SPC25: variants seen among roughly 807,000 people sequenced by gnomAD.
SPC25 encodes SPC25 component of NDC80 kinetochore complex, also known as kinetochore protein Spc25.
In SPC25, 22 loss-of-function variants were observed where a neutral mutation model predicts 29.6. That is an observed-to-expected ratio of 0.74 (90% CI 0.53 to 1.06). The LOEUF is 1.06. SPC25 is among the 50% of genes least tolerant of loss of function. SPC25 has a pLI of 0.00. For synonymous variants in SPC25, 91 were observed against 90.4 expected (o/e 1.01, Z -0.04); for missense variants, 230 against 255.8 (o/e 0.90, Z 0.69).
chr2:168,874,528 T>G (rs1690053525), intron 5 of SPC25, among the ~76,000 whole-genome samples: 1 of 152,164 alleles, frequency 6.6e-6, no homozygotes, highest in Admixed American at 6.6e-5. Flanking sequence ...AATGGAACAT[T>G]GTTCAGCCAT....
chr2:168,885,716 C>T (rs917763109), intron 3 of SPC25, among the ~76,000 whole-genome samples: 4 of 152,208 alleles, frequency 2.6e-5, no homozygotes, highest in African/African-American at 7.2e-5. Flanking sequence ...ACATCCCTAA[C>T]CCTCCTTTAT....
chr2:168,877,454 G>A, intron 3 of SPC25, 70 bp from the exon 4 acceptor site: 1 of 1,521,596 alleles, frequency 6.6e-7, no homozygotes, highest in Middle Eastern at 1.7e-4. Flanking sequence ...AAAGGCCAAA[G>A]TTTACTGACT....
intron 4 of SPC25, chr2:168,861,913 A>T (rs1467425311): frequency 1.3e-6 from 2 of 1,548,624 alleles, no homozygotes; most frequent in South Asian, 2.3e-5. Context: ...GCTCATATTC[A>T]TTTGCCTGCT....
At chr2:168,882,177 T>C (rs1479028608) in intron 3 of SPC25, among the ~76,000 whole-genome samples, 1 of 152,242 alleles carries the variant, frequency 6.6e-6, no homozygotes, top group Non-Finnish European at 1.5e-5. Flanking sequence ...CAAATCAATG[T>C]TCAAGAGGTA....
In SPC25 at chr2:168,873,456, A is replaced by C. The variant is rs1574359115; in HGVS notation, c.550+129T>G. The C allele has an allele frequency of 6.5e-6, 4 of 618,996 alleles. No individual in the cohort carries two copies. In the East Asian group the frequency reaches 1.1e-4, roughly 17 times the overall value. The allele number at this position is 618,996 out of a possible 1,614,324, so 38.3% of individuals were successfully genotyped here. A position where few individuals can be genotyped will look rare whatever the true frequency, so the allele number is the denominator to read the frequency against. On this transcript the variant is annotated intron_variant, in intron 6 of 6. Transcript: ENST00000282074. ...TTCCTTTAGAAGACTATACTCCAAG[A>C]AGCAAGACTGAAAAAGGAAGCAATA...
intron 6 of SPC25, 59 bp from the exon 7 acceptor site, chr2:168,871,614 A>C (rs1355357233): frequency 6.9e-7 from 1 of 1,453,016 alleles, no homozygotes; most frequent in African/African-American, 1.4e-5. Flanking sequence ...TATGGCACAG[A>C]AGTATTTCTA....
At chr2:168,869,889 G>A (rs28841378), downstream of SPC25, among the ~76,000 whole-genome samples, 46,202 of 150,878 alleles carry the variant, frequency 0.31, 8,001 homozygotes, top group East Asian at 0.58. Context: ...AAAAGAGCCC[G>A]CATTGCCAAG....
At chr2:168,887,789 G>T (rs1690296199) in intron 3 of SPC25, among the ~76,000 whole-genome samples, 1 of 152,146 alleles carries the variant, frequency 6.6e-6, no homozygotes, top group African/African-American at 2.4e-5. Context: ...GAAAAACACT[G>T]TCAGAGTACT....
intron 5 of SPC25, among the ~76,000 whole-genome samples, chr2:168,874,091 AAAG>A (rs1317370895): frequency 6.6e-6 from 1 of 152,208 alleles, no homozygotes; most frequent in African/African-American, 2.4e-5. Context: ...ACATTTCTCC[AAAG>A]AATATATAAA....
At chr2:168,863,237 A>C in intron 4 of SPC25, 2 of 228,100 alleles carry the variant, frequency 8.8e-6, no homozygotes, top group Non-Finnish European at 1.5e-5. Context: ...TATTTGTTTG[A>C]ATTCTTGTTA....
At chr2:168,870,321 C>A (rs1689954551), downstream of SPC25, among the ~76,000 whole-genome samples, 1 of 151,474 alleles carries the variant, frequency 6.6e-6, no homozygotes, top group Non-Finnish European at 1.5e-5. Flanking sequence ...TCTAAAACAC[C>A]AAAAGCAATG....
At chr2:168,863,591 T>G (rs865927457) in intron 4 of SPC25, 1 of 985,228 alleles carries the variant, frequency 1.0e-6, no homozygotes. Flanking sequence ...GTCTCCAAAT[T>G]GATGTTGTAT....
intron 3 of SPC25, 50 bp from the exon 4 acceptor site, chr2:168,877,434 G>T (rs767488444): frequency 2.5e-6 from 4 of 1,600,232 alleles, no homozygotes; most frequent in Non-Finnish European, 2.6e-6. Flanking sequence ...TCTCTGACAT[G>T]TATCTAAGAA....
At chr2:168,888,895 G>T (rs1690320652) in intron 3 of SPC25, among the ~76,000 whole-genome samples, 1 of 143,722 alleles carries the variant, frequency 7.0e-6, no homozygotes, top group African/African-American at 2.6e-5. Flanking sequence ...CCAAAGTGTT[G>T]GGATTACAGG....
chr2:168,888,446 T>C (rs1423086566), intron 3 of SPC25, among the ~76,000 whole-genome samples: 1 of 151,954 alleles, frequency 6.6e-6, no homozygotes, highest in Non-Finnish European at 1.5e-5. Context: ...TCCCAGCTAC[T>C]TGGGAGGCTG....
At chr2:168,866,564 T>C (rs1689857312), downstream of SPC25, among the ~76,000 whole-genome samples, 1 of 151,956 alleles carries the variant, frequency 6.6e-6, no homozygotes, top group South Asian at 2.1e-4. Flanking sequence ...GACATAGGCA[T>C]GGGCAAGGAT....
intron 3 of SPC25, among the ~76,000 whole-genome samples, chr2:168,882,148 A>G (rs1690186406): frequency 6.6e-6 from 1 of 152,256 alleles, no homozygotes; most frequent in Admixed American, 6.5e-5. Flanking sequence ...TTAGGAAGTT[A>G]ATATGATAAA....
At position 168,876,052 on chromosome 2, in the gene SPC25, A is replaced by T; in HGVS notation, c.451+20T>A. On this transcript the variant is annotated intron_variant, in intron 5 of 6. Transcript: ENST00000282074. ...ATACTTTTGTAATCTCCTATATTTTATTTATATTAACAAACTTACCATAAA... is the reference window on the plus strand; with the variant it reads ...ATACTTTTGTAATCTCCTATATTTTTTTTATATTAACAAACTTACCATAAA... 7.2e-7 allele frequency: 1 copy of T among 1,387,114 alleles called. No homozygotes were observed. The highest frequency in any genetic ancestry group is 9.6e-7 in the Non-Finnish European group (1 of 1,041,170). The allele number at this position is 1,387,114 out of a possible 1,614,324, so 85.9% of individuals were successfully genotyped here.
rs1468955552 is a variant in SPC25, at chr2:168,876,053, T to C, written c.451+19A>G. The stretch of plus-strand genomic sequence containing the variant: ...TACTTTTGTAATCTCCTATATTTTA[T>C]TTATATTAACAAACTTACCATAAAT... On this transcript the variant is annotated intron_variant, in intron 5 of 6. Coordinates refer to ENST00000282074, the MANE Select transcript of SPC25 (RefSeq NM_020675.4). 2 of 1,396,358 alleles carry C rather than the reference T, an allele frequency of 1.4e-6. No homozygotes were observed. The highest frequency in any genetic ancestry group is 1.5e-5 in the South Asian group (1 of 64,952). The allele number at this position is 1,396,358 out of a possible 1,614,324, so 86.5% of individuals were successfully genotyped here.
Sources: allele counts gnomAD v4.1 joint callset (sites outside exome capture counted in the v4.1 genomes callset), GRCh38; gene constraint gnomAD v4.1.1; transcripts MANE v1.5; gene names NCBI Gene and HGNC (gene_info 2026-07-23, HGNC 2026-07-21).